ILF2: variants seen among roughly 807,000 people sequenced by gnomAD.
ILF2 encodes interleukin enhancer-binding factor 2.
ILF2 carries 9 observed loss-of-function variants against 55.3 expected under a neutral mutation model. The ratio of observed to expected loss-of-function variants is 0.16; its 90% CI spans 0.10 to 0.28. ILF2 has a LOEUF of 0.28. ILF2 is among the 10% of genes least tolerant of loss of function. The pLI is 1.00. For missense variants in ILF2, 266 were observed against 474.9 expected, an observed-to-expected ratio of 0.56 and a Z score of 4.09; for synonymous variants, 151 against 161.8, an observed-to-expected ratio of 0.93 and a Z score of 0.50.
Position 153,665,285 on chromosome 1 carries a change from G to C in ILF2, c.512C>G (p.Ala171Gly). The C allele has an allele frequency of 6.2e-7, 1 of 1,613,772 alleles. No individual in the cohort carries two copies. Among genetic ancestry groups the C allele is most frequent in the Non-Finnish European group, 8.5e-7 (1 of 1,179,672 alleles). ...ETGFEISSSD[A>G]TVKILITTVP... ...TGTTGTAATGAGAATCTTCACTGTA[G>C]CATCAGAAGAACTGATTTCAAAGCC... The change falls in exon 8 of 14, where the codon GCT (alanine) becomes GGT (glycine). Residue 171 changes from alanine to glycine, a missense_variant. Coordinates refer to ENST00000361891, the MANE Select transcript of ILF2 (RefSeq NM_004515.4).
At chr1:153,670,801 G>C in intron 1 of ILF2, 117 bp downstream of exon 1, 1 of 1,237,124 alleles carries the variant, frequency 8.1e-7, no homozygotes, top group Non-Finnish European at 1.2e-6. Context: ...GAGTTCTCAG[G>C]TTTTTGGCCA....
intron 3 of ILF2, 124 bp from the exon 4 acceptor site, chr1:153,668,681 TAATTTGTTC>T: frequency 8.4e-7 from 1 of 1,186,054 alleles, no homozygotes; most frequent in Non-Finnish European, 1.2e-6. Flanking sequence ...TTTTACTGCT[TAATTTGTTC>T]AATTAGCTGG....
Position 153,670,048 on chromosome 1 carries a change from G to A in ILF2, c.65+123C>T, listed in dbSNP as rs1157132649. 4 of 1,120,578 alleles carry A rather than the reference G, an allele frequency of 3.6e-6. No homozygotes were observed. The East Asian group carries it at 9.4e-5, about 26-fold the overall frequency. The allele number at this position is 1,120,578 out of a possible 1,614,324, so 69.4% of individuals were successfully genotyped here. The stretch of plus-strand genomic sequence containing the variant: ...GGGGCCAAATTCATTTAACAGGAGT[G>A]CAGGAAAAGACCACAGTTGGCTCTC... On this transcript the variant is annotated intron_variant, in intron 2 of 13. Transcript: ENST00000361891.
chr1:153,667,728 T>G (rs1669348009), intron 5 of ILF2, 71 bp from the exon 6 acceptor site: 9 of 1,025,894 alleles, frequency 8.8e-6, no homozygotes, highest in Admixed American at 2.2e-5. Context: ...CCCAGAACTG[T>G]TACAACACAG....
In ILF2 at chr1:153,665,671, G is replaced by A. The variant is rs760934810; in HGVS notation, c.452C>T (p.Pro151Leu). ...CAGCAACAAATGCAAACCTTCAGAA[G>A]GATCCTGTGCTCTTAGGCTTTCCAC... is the stretch of plus-strand genomic sequence containing the variant. ...KVVESLRAQD[P>L]SEVLTMLTNE... The change falls in exon 7 of 14, where the codon CCT becomes CTT. Residue 151 changes from proline to leucine, a missense_variant. By Grantham distance (98) the Pro-to-Leu change is moderately conservative (BLOSUM62 -3). Transcript: ENST00000361891. The A allele has an allele frequency of 6.2e-7, 1 of 1,613,764 alleles. No individual in the cohort carries two copies. Among genetic ancestry groups the A allele is most frequent in the Non-Finnish European group, 8.5e-7 (1 of 1,179,634 alleles).
Position 153,662,179 on chromosome 1 carries a change from G to T in ILF2, c.*217C>A, listed in dbSNP as rs1477667719. The T allele has an allele frequency of 3.1e-5, 16 of 515,808 alleles. No individual in the cohort carries two copies. The highest frequency in any genetic ancestry group is 7.6e-5 in the African/African-American group (4 of 52,842). 32.0% of individuals were successfully genotyped at this position (515,808 alleles called of 1,614,324 possible). ...TTATAGAATATTAGGAAGAAATGTT[G>T]GTATCCTCCATTATAGATGGATGGC... On this transcript the variant is annotated 3_prime_UTR_variant, in exon 14 of 14. Transcript: ENST00000361891.
At chr1:153,668,129 C>T (rs1293910962) in intron 4 of ILF2, 52 bp from the exon 5 acceptor site, 1 of 1,364,278 alleles carries the variant, frequency 7.3e-7, no homozygotes, top group Admixed American at 1.9e-5. Flanking sequence ...TAAGCAATTT[C>T]TCAGAATTTG....
At position 153,670,024 on chromosome 1, in the gene ILF2, G is replaced by T; in HGVS notation, c.66-146C>A. On this transcript the variant is annotated intron_variant, in intron 2 of 13. Coordinates refer to ENST00000361891, the MANE Select transcript of ILF2 (RefSeq NM_004515.4). ...GGAAAGAATCATTCTTAGCATAGTGGGGCCAAATTCATTTAACAGGAGTGC... is the reference window on the plus strand; with the variant it reads ...GGAAAGAATCATTCTTAGCATAGTGTGGCCAAATTCATTTAACAGGAGTGC... 3.7e-6 allele frequency: 4 copies of T among 1,078,050 alleles called. No homozygotes were observed. In the East Asian group the frequency reaches 9.5e-5, roughly 26 times the overall value. The allele number at this position is 1,078,050 out of a possible 1,614,324, so 66.8% of individuals were successfully genotyped here. A position where few individuals can be genotyped will look rare whatever the true frequency, so the allele number is the denominator to read the frequency against.
intron 6 of ILF2, among the ~76,000 whole-genome samples, chr1:153,666,842 C>A (rs1464035153): frequency 1.3e-5 from 2 of 152,228 alleles, no homozygotes; most frequent in Non-Finnish European, 2.9e-5. Context: ...ATTTGTCAGG[C>A]AGGGTGCAGT....
chr1:153,670,023 G>T, intron 2 of ILF2, 145 bp from the exon 3 acceptor site: 1 of 1,077,254 alleles, frequency 9.3e-7, no homozygotes, highest in Non-Finnish European at 1.4e-6. Context: ...TTAGCATAGT[G>T]GGGCCAAATT....
intron 6 of ILF2, among the ~76,000 whole-genome samples, chr1:153,667,058 G>A (rs1669327461): frequency 6.6e-6 from 1 of 152,196 alleles, no homozygotes; most frequent in Admixed American, 6.5e-5. Context: ...GGAGGTGGAG[G>A]TTGCAGTGAA....
chr1:153,670,255 C>A (rs760247079), intron 1 of ILF2, 25 bp from the exon 2 acceptor site: 51 of 1,612,978 alleles, frequency 3.2e-5, no homozygotes, highest in Admixed American at 2.8e-4. Context: ...TTTATTTTGA[C>A]CTCATTGAAG....
At chr1:153,668,974 G>T (rs1361855582) in intron 3 of ILF2, among the ~76,000 whole-genome samples, 1 of 152,132 alleles carries the variant, frequency 6.6e-6, no homozygotes, top group African/African-American at 2.4e-5. Flanking sequence ...GGAGGCTGAG[G>T]TGGGCAGATC....
At position 153,662,343 on chromosome 1, in the gene ILF2, G is replaced by C. The variant is rs140651236; in HGVS notation, c.*53C>G. 4.4e-6 allele frequency: 7 copies of C among 1,607,790 alleles called. No individual in the cohort carries two copies. Among genetic ancestry groups the C allele is most frequent in the Admixed American group, 1.7e-5 (1 of 59,354 alleles). ...GTCACCATGTAAAGCCCAGTAGCAG[G>C]CAGCTTAGGCTCCAGTCTTCCCCCT... On this transcript the variant is annotated 3_prime_UTR_variant, in exon 14 of 14. Transcript: ENST00000361891.
intron 12 of ILF2, 40 bp from the exon 13 acceptor site, chr1:153,662,835 AG>A: frequency 1.3e-6 from 2 of 1,551,782 alleles, no homozygotes; most frequent in Non-Finnish European, 1.8e-6. Flanking sequence ...GGAAAATCAA[AG>A]GACCTTATTT....
At position 153,663,004 on chromosome 1, in the gene ILF2, T is replaced by C. The variant is rs780687763; in HGVS notation, c.921+15A>G. 13 of 1,596,266 alleles carry C rather than the reference T, an allele frequency of 8.1e-6. No homozygotes were observed. The highest frequency in any genetic ancestry group is 2.2e-5 in the East Asian group (1 of 44,806). On this transcript the variant is annotated intron_variant, in intron 12 of 13. Coordinates refer to ENST00000361891, the MANE Select transcript of ILF2 (RefSeq NM_004515.4). ...GAGTGGGGCAAAACAACTCAGTTCA[T>C]ATCTGTCCCAATACCTGCTGTTCTA...
intron 10 of ILF2, 126 bp downstream of exon 10, chr1:153,663,917 T>C (rs1380447540): frequency 8.3e-6 from 4 of 483,338 alleles, no homozygotes; most frequent in Non-Finnish European, 1.5e-5. Context: ...AAATTTCTTT[T>C]AAGCTTCACC....
chr1:153,665,365 A>G (rs368138676), intron 7 of ILF2, 29 bp from the exon 8 acceptor site: 241 of 1,399,752 alleles, frequency 1.7e-4, no homozygotes, highest in Non-Finnish European at 2.4e-4. Flanking sequence ...CAAAAACTAT[A>G]ACTCACATTT....
chr1:153,665,825 TCCAAGGCTGAA>T (rs2101714334), intron 6 of ILF2, 97 bp from the exon 7 acceptor site: 2 of 897,048 alleles, frequency 2.2e-6, no homozygotes, highest in African/African-American at 3.4e-5. Flanking sequence ...CTGTCCCATA[TCCAAGGCTGAA>T]GCAAGGGTAA....
Sources: allele counts gnomAD v4.1 joint callset (sites outside exome capture counted in the v4.1 genomes callset), GRCh38; gene constraint gnomAD v4.1.1; transcripts MANE v1.5; gene names NCBI Gene and HGNC (gene_info 2026-07-23, HGNC 2026-07-21).